Variants in TRMT11 observed in about 807,000 individuals in gnomAD.
The protein encoded by TRMT11 is tRNA methyltransferase 11.
Under a neutral mutation model 62.8 loss-of-function variants are expected in TRMT11, and 53 were observed. The ratio of observed to expected loss-of-function variants is 0.84; its 90% CI spans 0.68 to 1.06. TRMT11 has a LOEUF of 1.06. Ranked by LOEUF, TRMT11 falls within the 50% of genes least tolerant of loss-of-function variation. The pLI, the probability that TRMT11 is intolerant of heterozygous loss-of-function variation, is 0.00. For synonymous variants in TRMT11, 188 were observed against 190.3 expected, an observed-to-expected ratio of 0.99 and a Z score of 0.10; for missense variants, 556 against 553.4, an observed-to-expected ratio of 1.00 and a Z score of -0.05.
chr6:126,055,300 T>G (rs1211143284), intron 17 of TRMT11, among the ~76,000 whole-genome samples: 1 of 152,156 alleles, frequency 6.6e-6, no homozygotes, highest in East Asian at 1.9e-4. Context: ...CTAATGAGGA[T>G]GAGAGGAAGG....
intron 18 of TRMT11, among the ~76,000 whole-genome samples, chr6:126,113,656 G>A (rs1362447586): frequency 6.6e-6 from 1 of 151,978 alleles, no homozygotes; most frequent in Non-Finnish European, 1.5e-5. Flanking sequence ...ATATATCTCT[G>A]CCCCCACAGA....
At chr6:126,151,883 TCCTTG>T (rs1221027292) in intron 21 of TRMT11, among the ~76,000 whole-genome samples, 4 of 95,704 alleles carry the variant, frequency 4.2e-5, no homozygotes, top group Non-Finnish European at 8.4e-5. Flanking sequence ...TCTCCTTCCT[TCCTTG>T]TCTTTTTCTT....
chr6:126,264,808 CT>C, the TRMT11 span, among the ~76,000 whole-genome samples: 1 of 152,118 alleles, frequency 6.6e-6, no homozygotes, highest in Non-Finnish European at 1.5e-5. Context: ...TTTCCTGTAT[CT>C]CTAGCCTGCC....
intron 17 of TRMT11, among the ~76,000 whole-genome samples, chr6:126,059,259 A>G (rs9398794): frequency 0.41 from 62,609 of 151,792 alleles, 15,512 homozygotes; most frequent in East Asian, 0.94. Flanking sequence ...GCTTTACTAT[A>G]AACTGAGTTA....
chr6:126,021,969 G>C (rs1159414823), intron 12 of TRMT11, among the ~76,000 whole-genome samples: 1 of 151,632 alleles, frequency 6.6e-6, no homozygotes, highest in African/African-American at 2.4e-5. Context: ...AAATTCACTG[G>C]AAACTTGGAT....
At chr6:126,236,286 T>C in the TRMT11 span, among the ~76,000 whole-genome samples, 1 of 152,214 alleles carries the variant, frequency 6.6e-6, no homozygotes, top group Admixed American at 6.5e-5. Context: ...CTTCCACTTC[T>C]TCAACATGAA....
intron 12 of TRMT11, among the ~76,000 whole-genome samples, chr6:126,038,420 C>T (rs1441975597): frequency 2.0e-4 from 28 of 138,800 alleles, no homozygotes; most frequent in African/African-American, 7.6e-4. Flanking sequence ...CTTGGAACCA[C>T]TCTCTTTGCC....
chr6:126,127,555 CA>C lies in TRMT11; in HGVS notation c.*1823+11701del, dbSNP rs1294137234. Among the ~76,000 whole-genome samples the C allele has an allele frequency of 9.2e-5, 14 of 151,746 alleles. No individual in the cohort carries two copies. In the East Asian group the frequency reaches 2.7e-3, roughly 30 times the overall value. ...TTTTAGGGTACATGTGCACAACGTGCAGGTTTGTTACATATGTACACATGTA... is the reference window on the plus strand; with the variant it reads ...TTTTAGGGTACATGTGCACAACGTGCGGTTTGTTACATATGTACACATGTA... On this transcript the variant is annotated intron_variant and NMD_transcript_variant, in intron 21 of 22. Coordinates refer to the TRMT11 transcript ENST00000648977.
intron 1 of TRMT11, among the ~76,000 whole-genome samples, chr6:126,192,716 T>C (rs1472694054): frequency 6.6e-6 from 1 of 152,166 alleles, no homozygotes; most frequent in Non-Finnish European, 1.5e-5. Context: ...TTTTTTGCCC[T>C]TGTTTCTGTT....
At chr6:126,183,402 G>C (rs1778490404) in intron 1 of TRMT11, among the ~76,000 whole-genome samples, 1 of 152,202 alleles carries the variant, frequency 6.6e-6, no homozygotes, top group Non-Finnish European at 1.5e-5. Flanking sequence ...GGAGTGGGCA[G>C]AGGTGTTGGG....
At chr6:126,270,663 G>A in the TRMT11 span, among the ~76,000 whole-genome samples, 1 of 152,042 alleles carries the variant, frequency 6.6e-6, no homozygotes, top group South Asian at 2.1e-4. Context: ...AACTTTCAGA[G>A]AAAGAATAAT....
the TRMT11 span, among the ~76,000 whole-genome samples, chr6:126,211,881 TCTAA>T: frequency 6.6e-6 from 1 of 152,144 alleles, no homozygotes; most frequent in Non-Finnish European, 1.5e-5. Flanking sequence ...ATTCATTTTT[TCTAA>T]CTATTTTTTG....
At chr6:126,001,340 C>T (rs1169760460) in intron 7 of TRMT11, among the ~76,000 whole-genome samples, 1 of 151,944 alleles carries the variant, frequency 6.6e-6, no homozygotes, top group Non-Finnish European at 1.5e-5. Flanking sequence ...ATGAAATTTG[C>T]ACTTTTCAAG....
chr6:126,039,982 T>C (rs1025903557), downstream of TRMT11, among the ~76,000 whole-genome samples: 1 of 152,128 alleles, frequency 6.6e-6, no homozygotes, highest in African/African-American at 2.4e-5. Flanking sequence ...CTCAAACATT[T>C]CACTGATTAT....
At chr6:126,234,601 G>T in the TRMT11 span, among the ~76,000 whole-genome samples, 1 of 151,994 alleles carries the variant, frequency 6.6e-6, no homozygotes, top group African/African-American at 2.4e-5. Context: ...TGATTTGTGA[G>T]GATAATCTGT....
At chr6:126,188,077 C>T (rs1778546567) in intron 1 of TRMT11, among the ~76,000 whole-genome samples, 1 of 151,618 alleles carries the variant, frequency 6.6e-6, no homozygotes. Context: ...AGAGGGGATA[C>T]AAAAGCACGA....
At chr6:126,105,632 G>C (rs1046723515) in intron 17 of TRMT11, among the ~76,000 whole-genome samples, 1 of 151,978 alleles carries the variant, frequency 6.6e-6, no homozygotes, top group South Asian at 2.1e-4. Flanking sequence ...TGATTCTATG[G>C]ATTGAGATGG....
At chr6:126,243,701 G>A in the TRMT11 span, among the ~76,000 whole-genome samples, 2 of 151,992 alleles carry the variant, frequency 1.3e-5, no homozygotes, top group Non-Finnish European at 2.9e-5. Flanking sequence ...ACTAAACACC[G>A]CATATTCACT....
At chr6:126,106,299 A>G (rs1256190648) in intron 17 of TRMT11, among the ~76,000 whole-genome samples, 1 of 151,882 alleles carries the variant, frequency 6.6e-6, no homozygotes, top group Non-Finnish European at 1.5e-5. Flanking sequence ...GCCTGCCACC[A>G]TGCCTGGCTA....
Sources: gnomAD v4.1 joint callset for allele counts (sites outside exome capture counted in the v4.1 genomes callset) on GRCh38, gnomAD v4.1.1 for gene constraint, MANE v1.5 for transcripts, NCBI Gene and HGNC (gene_info 2026-07-23, HGNC 2026-07-21) for gene names.